Variants in SPATA2 observed in about 807,000 individuals in gnomAD.
The protein encoded by SPATA2 is spermatogenesis associated 2.
In SPATA2, 8 loss-of-function variants were observed where a neutral mutation model predicts 35.4. The ratio of observed to expected loss-of-function variants is 0.23; its 90% CI spans 0.13 to 0.41. The LOEUF (loss-of-function observed/expected upper bound fraction) is 0.41, where lower values mean the gene tolerates loss of function less well. Among genes scored for constraint, SPATA2 ranks in the 10% least tolerant of loss-of-function variants. The pLI is 1.00. For missense variants in SPATA2, 650 were observed against 698.7 expected (o/e 0.93, Z 0.79); for synonymous variants, 293 against 300.9 (o/e 0.97, Z 0.27).
intron 1 of SPATA2, among the ~76,000 whole-genome samples, 159 bp downstream of exon 1, chr20:49,915,220 TG>T (rs990617899): frequency 3.7e-4 from 56 of 152,086 alleles, no homozygotes; most frequent in African/African-American, 1.3e-3. Context: ...GAGGATAGGC[TG>T]GGGGTCCCGG....
At chr20:49,911,199 A>G (rs774209983) in intron 1 of SPATA2, among the ~76,000 whole-genome samples, 1 of 152,124 alleles carries the variant, frequency 6.6e-6, no homozygotes, top group Non-Finnish European at 1.5e-5. Flanking sequence ...GATAACCACA[A>G]TCTGAAACTA....
chr20:49,910,859 C>A (rs950376501), intron 1 of SPATA2, among the ~76,000 whole-genome samples: 6 of 152,232 alleles, frequency 3.9e-5, no homozygotes, highest in African/African-American at 1.4e-4. Flanking sequence ...CAACACACTG[C>A]ACTGCTGAGG....
rs767116306 is a variant in SPATA2 at position 49,906,606 on chromosome 20, G to A, written c.576C>T (p.Asp192=). 7 of 1,614,118 alleles carry A rather than the reference G, an allele frequency of 4.3e-6. No individual in the cohort carries two copies. In the African/African-American group the frequency reaches 6.7e-5, roughly 15 times the overall value. ...CACTGCTCTTGCGCTCGCTCACAAT[G>A]TCCAGCTCGGAGTAGCCCTTGTCCT... is the stretch of plus-strand genomic sequence containing the variant. The part of the protein sequence containing the change: ...QVKDKGYSEL[D]IVSERKSSAE... The change falls in exon 3 of 3, where the codon GAC becomes GAT. Residue 192 remains aspartate (D), a synonymous_variant. Coordinates refer to ENST00000289431, the MANE Select transcript of SPATA2 (RefSeq NM_006038.4). This position sits in a 1 kb window ranked among gnomAD's most constrained non-coding sequence, Gnocchi z 8.2.
chr20:49,914,836 C>T (rs984758878), intron 1 of SPATA2, among the ~76,000 whole-genome samples: 1 of 152,148 alleles, frequency 6.6e-6, no homozygotes, highest in Non-Finnish European at 1.5e-5. Context: ...AAATTCTGGC[C>T]CCCCCTACGG....
chr20:49,914,028 TGGA>T (rs1427931360), intron 1 of SPATA2, among the ~76,000 whole-genome samples: 1 of 27,666 alleles, frequency 3.6e-5, no homozygotes, highest in Non-Finnish European at 7.3e-5. Context: ...GCCAGTCTGG[TGGA>T]AAAAAAAAAA....
chr20:49,906,268 G>C lies in SPATA2; in HGVS notation c.914C>G (p.Pro305Arg), dbSNP rs752675900. 2.5e-6 allele frequency: 4 copies of C among 1,572,192 alleles called. No homozygotes were observed. Among genetic ancestry groups the C allele is most frequent in the South Asian group, 1.2e-5 (1 of 83,190 alleles). ...SPSLLTMASS[P>R]HGSPDVLPPA... is the part of the protein sequence containing the mutation. ...TGGAAGCACATCCGGGCTGCCGTGG[G>C]GGGAGCTGGCCATGGTCAGCAGCGA... The change falls in exon 3 of 3, where the codon CCC becomes CGC. Residue 305 changes from proline to arginine, a missense_variant. By Grantham distance (103) the Pro-to-Arg change is moderately radical. Coordinates refer to ENST00000289431, the MANE Select transcript of SPATA2 (RefSeq NM_006038.4). The surrounding 1 kb of genome is among the most constrained non-coding windows in gnomAD (Gnocchi z 8.2).
chr20:49,915,036 G>A (rs1047388061), intron 1 of SPATA2, among the ~76,000 whole-genome samples: 1 of 152,212 alleles, frequency 6.6e-6, no homozygotes, highest in Non-Finnish European at 1.5e-5. Flanking sequence ...AAACCCAGGT[G>A]TGCCGCCAGA....
At chr20:49,908,628 G>T in intron 1 of SPATA2, 36 bp from the exon 2 acceptor site, 1 of 735,458 alleles carries the variant, frequency 1.4e-6, no homozygotes, top group Non-Finnish European at 2.2e-6. Flanking sequence ...GTCATTCCTC[G>T]ATACGGTCGC....
At position 49,908,268 on chromosome 20, in the gene SPATA2, G is replaced by A. The variant is rs1011578675; in HGVS notation, c.223C>T (p.Arg75Cys). 5.0e-6 allele frequency: 8 copies of A among 1,614,028 alleles called. No homozygotes were observed. The highest frequency in any genetic ancestry group is 2.2e-5 in the East Asian group (1 of 44,894). ...CGCAGGCTAGAGGAGCTGAGCGAGC[G>A]CAAGGAGCTCTCCACCACCTCATAG... is the stretch of plus-strand genomic sequence containing the variant. The part of the protein sequence containing the change: ...QFYEVVESSL[R>C]SLSSSSLRAL... Residue 75 changes from arginine (R) to cysteine (C), a missense_variant, in exon 2 of 3, where the codon CGC becomes TGC. Transcript: ENST00000289431.
chr20:49,908,256 A>T lies in SPATA2; in HGVS notation c.235T>A (p.Ser79Thr), dbSNP rs751049436. 5.6e-6 allele frequency: 9 copies of T among 1,613,960 alleles called. No individual in the cohort carries two copies. Among genetic ancestry groups the T allele is most frequent in the African/African-American group, 5.3e-5 (4 of 74,904 alleles). The change falls in exon 2 of 3, where the codon TCC becomes ACC. Residue 79 changes from serine (S) to threonine (T), a missense_variant. Transcript: ENST00000289431. ...VVESSLRSLS[S>T]SSLRALHGAF... ...CCGTGCAGAGCCCGCAGGCTAGAGG[A>T]GCTGAGCGAGCGCAAGGAGCTCTCC...
At position 49,906,028 on chromosome 20, in the gene SPATA2, C is replaced by T; in HGVS notation, c.1154G>A (p.Ser385Asn). 6.2e-7 allele frequency: 1 copy of T among 1,605,348 alleles called. No individual in the cohort carries two copies. Among genetic ancestry groups the T allele is most frequent in the Non-Finnish European group, 8.5e-7 (1 of 1,179,080 alleles). Reference protein sequence around the residue: ...AKESALSKCQSCGLSCSSSLC... With the variant: ...AKESALSKCQNCGLSCSSSLC... ...GGAGGAGCTGCAGGACAGCCCGCAG[C>T]TTTGGCACTTGGAGAGGGCGGACTC... is the stretch of plus-strand genomic sequence containing the variant. The change falls in exon 3 of 3, where the codon AGC becomes AAC. Residue 385 changes from serine to asparagine, a missense_variant. Ser to Asn is a conservative substitution (Grantham distance 46). Transcript: ENST00000289431. The surrounding 1 kb of genome is among the most constrained non-coding windows in gnomAD (Gnocchi z 8.2).
In SPATA2 at chr20:49,905,410, T is replaced by C; in HGVS notation, c.*209A>G. 1 of 585,846 alleles carries C rather than the reference T, an allele frequency of 1.7e-6. No individual in the cohort carries two copies. The highest frequency in any genetic ancestry group is 2.3e-5 in the South Asian group (1 of 43,880). The allele number at this position is 585,846 out of a possible 1,614,324, so 36.3% of individuals were successfully genotyped here. A position where few individuals can be genotyped will look rare whatever the true frequency, so the allele number is the denominator to read the frequency against. The stretch of plus-strand genomic sequence containing the variant: ...GAATCTGAACGGAAGTGCCACCTTC[T>C]CCCTTGTCAGACAACAAAGCAGCCA... On this transcript the variant is annotated 3_prime_UTR_variant, in exon 3 of 3. Coordinates refer to ENST00000289431, the MANE Select transcript of SPATA2 (RefSeq NM_006038.4).
intron 1 of SPATA2, among the ~76,000 whole-genome samples, chr20:49,914,211 T>C (rs1385537040): frequency 6.6e-6 from 1 of 152,134 alleles, no homozygotes; most frequent in East Asian, 1.9e-4. Context: ...AGGGAGCCAG[T>C]GGCTTCTTTA....
At position 49,906,627 on chromosome 20, in the gene SPATA2, G is replaced by T; in HGVS notation, c.555C>A (p.Asp185Glu). 6.2e-7 allele frequency: 1 copy of T among 1,614,246 alleles called. No individual in the cohort carries two copies. The highest frequency in any genetic ancestry group is 8.5e-7 in the Non-Finnish European group (1 of 1,180,042). The stretch of plus-strand genomic sequence containing the variant: ...CAATGTCCAGCTCGGAGTAGCCCTT[G>T]TCCTTCACTTGTGAGTGGATTTCTA... ...QMLEIHSQVK[D>E]KGYSELDIVS... Residue 185 changes from aspartate to glutamate, a missense_variant, in exon 3 of 3, where the codon GAC becomes GAA. Asp to Glu is a conservative substitution (Grantham distance 45). Transcript: ENST00000289431. The surrounding 1 kb of genome is among the most constrained non-coding windows in gnomAD (Gnocchi z 8.2).
At position 49,903,898 on chromosome 20, in the gene SPATA2, GATAGATATATATAT is replaced by G. The variant is rs1165438605; in HGVS notation, c.*1707_*1720del. 806 of 86,084 alleles carry G rather than the reference GATAGATATATATAT, an allele frequency of 9.4e-3. 25 individuals carry two copies. The highest frequency in any genetic ancestry group is 0.023 in the African/African-American group (493 of 21,466). 5.3% of individuals were successfully genotyped at this position (86,084 alleles called of 1,614,324 possible). A position where few individuals can be genotyped will look rare whatever the true frequency, so the allele number is the denominator to read the frequency against. ...CTGTACATCTACATGTGATCTACCA[GATAGATATATATAT>G]ATATATATATATATATATATATATA... On this transcript the variant is annotated 3_prime_UTR_variant, in exon 3 of 3. Coordinates refer to ENST00000289431, the MANE Select transcript of SPATA2 (RefSeq NM_006038.4).
At position 49,906,164 on chromosome 20, in the gene SPATA2, CT is replaced by C. The variant is rs745486368; in HGVS notation, c.1017del (p.Asp340ThrfsTer168). ...FSTQDDVDLY[T>X]DSEPRATYRR... ...CGGTAGGTGGCCCTGGGTTCAGAGT[CT>C]GTGTACAGATCCACGTCATCCTGAG... On this transcript the variant is annotated frameshift_variant, in exon 3 of 3. Coordinates refer to ENST00000289431, the MANE Select transcript of SPATA2 (RefSeq NM_006038.4). LOFTEE classifies it high-confidence loss of function. This position sits in a 1 kb window ranked among gnomAD's most constrained non-coding sequence, Gnocchi z 8.2. 1 of 1,602,464 alleles carries C rather than the reference CT, an allele frequency of 6.2e-7. No homozygotes were observed. Among genetic ancestry groups the C allele is most frequent in the Admixed American group, 1.7e-5 (1 of 59,432 alleles).
Position 49,906,992 on chromosome 20 carries a change from C to T in SPATA2, c.337-147G>A, listed in dbSNP as rs969612725. On this transcript the variant is annotated intron_variant, in intron 2 of 2. Coordinates refer to ENST00000289431, the MANE Select transcript of SPATA2 (RefSeq NM_006038.4). This position sits in a 1 kb window ranked among gnomAD's most constrained non-coding sequence, Gnocchi z 8.2. ...GAAGGATCTCGACAGCCTCACCCTG[C>T]GGGAGGCAGAAGACGCAGGAGCTGG... 5 of 842,494 alleles carry T rather than the reference C, an allele frequency of 5.9e-6. No homozygotes were observed. Among genetic ancestry groups the T allele is most frequent in the East Asian group, 2.7e-5 (1 of 37,434 alleles). 52.2% of individuals were successfully genotyped at this position (842,494 alleles called of 1,614,324 possible).
chr20:49,911,006 G>A (rs948791292), intron 1 of SPATA2, among the ~76,000 whole-genome samples: 1 of 152,204 alleles, frequency 6.6e-6, no homozygotes, highest in Non-Finnish European at 1.5e-5. Context: ...CTCAAGGCCA[G>A]GAGTTCGAGA....
At chr20:49,914,304 G>A (rs1299064166) in intron 1 of SPATA2, among the ~76,000 whole-genome samples, 1 of 152,144 alleles carries the variant, frequency 6.6e-6, no homozygotes, top group African/African-American at 2.4e-5. Context: ...GAGTAGCTAA[G>A]CATTAGCTTG....
Sources: allele counts gnomAD v4.1 joint callset (sites outside exome capture counted in the v4.1 genomes callset), GRCh38; gene constraint gnomAD v4.1.1; non-coding constraint Gnocchi (gnomAD v3.1); transcripts MANE v1.5; gene names NCBI Gene and HGNC (gene_info 2026-07-23, HGNC 2026-07-21).